Variants in NAA16 observed in about 807,000 individuals in gnomAD.
The protein encoded by NAA16 is NARG1-like protein.
In NAA16, 97 loss-of-function variants were observed where a neutral mutation model predicts 110.3. That is an observed-to-expected ratio of 0.88 (90% CI 0.75 to 1.04). The LOEUF (loss-of-function observed/expected upper bound fraction) is 1.04, where lower values mean the gene tolerates loss of function less well. Ranked by LOEUF, NAA16 falls within the 50% of genes least tolerant of loss-of-function variation. The pLI is 0.00. For synonymous variants in NAA16, 372 were observed against 330.6 expected (o/e 1.13, Z -1.36); for missense variants, 1,017 against 1,005.1 (o/e 1.01, Z -0.16).
intron 9 of NAA16, among the ~76,000 whole-genome samples, chr13:41,343,905 C>T (rs186664254): frequency 1.2e-3 from 182 of 152,226 alleles, no homozygotes; most frequent in Middle Eastern, 3.4e-3. Context: ...ATCTTGGACT[C>T]GAGAGATTTG....
intron 15 of NAA16, 59 bp from the exon 16 acceptor site, chr13:41,372,144 G>T: frequency 7.6e-7 from 1 of 1,317,278 alleles, no homozygotes; most frequent in South Asian, 1.6e-5. Flanking sequence ...TAAAATTTTA[G>T]GGGAAATTTG....
intron 7 of NAA16, among the ~76,000 whole-genome samples, chr13:41,330,846 G>A (rs2042219675): frequency 6.6e-6 from 1 of 152,066 alleles, no homozygotes; most frequent in Admixed American, 6.6e-5. Flanking sequence ...TCCTAAAACT[G>A]TTGCTCCTTT....
Position 41,373,641 on chromosome 13 carries a change from T to C in NAA16, c.2160T>C (p.Ser720=), listed in dbSNP as rs1323490241. 4.4e-6 allele frequency: 7 copies of C among 1,594,646 alleles called. No individual in the cohort carries two copies. Among genetic ancestry groups the C allele is most frequent in the Non-Finnish European group, 6.0e-6 (7 of 1,172,892 alleles). The change falls in exon 18 of 20, where the codon TCT becomes TCC. Residue 720 remains serine, a synonymous_variant. Coordinates refer to ENST00000379406, the MANE Select transcript of NAA16 (RefSeq NM_024561.5). The stretch of plus-strand genomic sequence containing the variant: ...CAAATGTTTTTGTTTTTATAGTGTC[T>C]AATCATAGTAATCTTCCAGACATTG... ...ECLIRFSKSV[S]NHSNLPDIVS...
rs367777860 is a variant in NAA16, at chr13:41,360,971, ATAAC to A, written c.1411-1057_1411-1054del. Among the ~76,000 whole-genome samples the A allele has an allele frequency of 3.6e-3, 542 of 152,340 alleles. 1 individual carries two copies. Among genetic ancestry groups the A allele is most frequent in the African/African-American group, 0.012 (492 of 41,582 alleles). ...CATCAATAATTCTGTTCACCCAGAG[ATAAC>A]TAGTTTTTAGACGTTTAATGTGTTC... On this transcript the variant is annotated intron_variant, in intron 12 of 19. Coordinates refer to ENST00000379406, the MANE Select transcript of NAA16 (RefSeq NM_024561.5).
intron 3 of NAA16, among the ~76,000 whole-genome samples, chr13:41,319,620 G>A (rs112317237): frequency 0.029 from 4,413 of 152,094 alleles, 90 homozygotes; most frequent in Non-Finnish European, 0.043. Flanking sequence ...GGGTTTAAGC[G>A]ATTCTCCCAC....
chr13:41,375,840 A>G lies in NAA16; in HGVS notation c.*238A>G. Reference sequence around the variant, plus strand: ...TAGCTCCGATCGCTTCTGTATAATTATAATTTCTTACTAAGCTAAGTTGTA... The same window carrying G: ...TAGCTCCGATCGCTTCTGTATAATTGTAATTTCTTACTAAGCTAAGTTGTA... On this transcript the variant is annotated 3_prime_UTR_variant, in exon 20 of 20. Coordinates refer to ENST00000379406, the MANE Select transcript of NAA16 (RefSeq NM_024561.5). 1 of 350,030 alleles carries G rather than the reference A, an allele frequency of 2.9e-6. No individual in the cohort carries two copies. The highest frequency in any genetic ancestry group is 5.1e-6 in the Non-Finnish European group (1 of 195,232). 21.7% of individuals were successfully genotyped at this position (350,030 alleles called of 1,614,324 possible). A position where few individuals can be genotyped will look rare whatever the true frequency, so the allele number is the denominator to read the frequency against.
In NAA16 at chr13:41,375,601, G is replaced by T. The variant is rs1468261685; in HGVS notation, c.2594G>T (p.Ter865LeuextTer9). The change falls in exon 20 of 20, where the codon TGA (stop) becomes TTA (leucine). Residue 865 changes from the stop codon to leucine, a stop_lost. Transcript: ENST00000379406. ...ANYDVLANEI* is the reference protein window; with the variant it reads ...ANYDVLANEIL ...TATGATGTCTTGGCAAATGAAATTT[G>T]AAATCTTCTAGAAAGTAGACTCCTA... The T allele has an allele frequency of 6.2e-7, 1 of 1,611,070 alleles. No individual in the cohort carries two copies. Among genetic ancestry groups the T allele is most frequent in the South Asian group, 1.1e-5 (1 of 90,644 alleles).
intron 15 of NAA16, among the ~76,000 whole-genome samples, chr13:41,371,945 G>C (rs1364790200): frequency 6.6e-6 from 1 of 152,094 alleles, no homozygotes; most frequent in Non-Finnish European, 1.5e-5. Flanking sequence ...TAAGTCTGTG[G>C]AATAACTTTA....
Position 41,372,800 on chromosome 13 carries a change from C to T in NAA16, c.2125C>T (p.His709Tyr). Residue 709 changes from histidine to tyrosine, a missense_variant, in exon 17 of 20, where the codon CAT (histidine) becomes TAT (tyrosine). Transcript: ENST00000379406. The part of the protein sequence containing the change: ...FAINSNNPWL[H>Y]ECLIRFSKSV... The stretch of plus-strand genomic sequence containing the variant: ...CATTAACAGTAATAACCCATGGTTA[C>T]ATGAATGTTTAATTAGATTTTCTAA... 6.3e-7 allele frequency: 1 copy of T among 1,587,860 alleles called. No individual in the cohort carries two copies. Among genetic ancestry groups the T allele is most frequent in the Middle Eastern group, 1.7e-4 (1 of 5,836 alleles).
intron 17 of NAA16, 164 bp from the exon 18 acceptor site, chr13:41,373,473 G>T (rs2043363248): frequency 4.6e-5 from 24 of 527,138 alleles, no homozygotes; most frequent in Non-Finnish European, 5.8e-5. Flanking sequence ...GGCCAGGCTG[G>T]TCTCAAACTC....
intron 7 of NAA16, among the ~76,000 whole-genome samples, chr13:41,330,979 G>C (rs898249639): frequency 6.6e-6 from 1 of 152,002 alleles, no homozygotes; most frequent in Admixed American, 6.6e-5. Context: ...GGAATATAGA[G>C]AAGTGCAGCA....
At chr13:41,344,374 C>T (rs1382872026) in intron 9 of NAA16, among the ~76,000 whole-genome samples, 1 of 152,222 alleles carries the variant, frequency 6.6e-6, no homozygotes, top group Non-Finnish European at 1.5e-5. Flanking sequence ...GGAAGTTCAT[C>T]TGTTGTTTTA....
At chr13:41,362,603 C>CT in intron 13 of NAA16, 1 of 764,974 alleles carries the variant, frequency 1.3e-6, no homozygotes, top group Non-Finnish European at 1.9e-6. Context: ...GTATAACAAT[C>CT]TATGGCCAGT....
At chr13:41,311,624 G>T (rs1330657981) in intron 1 of NAA16, 42 bp downstream of exon 1, 1 of 1,577,160 alleles carries the variant, frequency 6.3e-7, no homozygotes, top group Non-Finnish European at 8.6e-7. Context: ...CGGTCCCCGG[G>T]TCCTCGGGCC....
intron 12 of NAA16, among the ~76,000 whole-genome samples, chr13:41,359,242 C>T (rs983819217): frequency 2.5e-4 from 38 of 152,156 alleles, no homozygotes; most frequent in Non-Finnish European, 4.1e-4. Context: ...TTAGCACTTA[C>T]GTGTAAAATT....
chr13:41,327,336 ATAT>A (rs2042120197), intron 6 of NAA16, among the ~76,000 whole-genome samples: 1 of 152,116 alleles, frequency 6.6e-6, no homozygotes, highest in Non-Finnish European at 1.5e-5. Context: ...CCTTTCTGAA[ATAT>A]TATTGTCATT....
At chr13:41,328,671 G>C (rs2042155537) in intron 6 of NAA16, 53 bp from the exon 7 acceptor site, 2 of 1,461,520 alleles carry the variant, frequency 1.4e-6, no homozygotes, top group East Asian at 2.3e-5. Flanking sequence ...AGTCCCTGGG[G>C]TCAGATAGAT....
rs371132882 is a variant in NAA16 at position 41,319,863 on chromosome 13, A to AT, written c.245-791dup. 6.5e-3 allele frequency among the ~76,000 whole-genome samples: 907 copies of AT among 138,746 alleles called. 9 individuals carry two copies. The highest frequency in any genetic ancestry group is 0.023 in the Admixed American group (317 of 14,018). The allele number at this position is 138,746 out of a possible 152,430, so 91.0% of individuals were successfully genotyped here. A position where few individuals can be genotyped will look rare whatever the true frequency, so the allele number is the denominator to read the frequency against. Reference sequence around the variant, plus strand: ...GGGTGGAGCATTGAAATTGATTTTCATTTTTTTTTTTTTGCTTATCTGTAT... The same window carrying AT: ...GGGTGGAGCATTGAAATTGATTTTCATTTTTTTTTTTTTTGCTTATCTGTAT... On this transcript the variant is annotated intron_variant, in intron 3 of 19. Transcript: ENST00000379406.
chr13:41,325,657 T>C lies in NAA16; in HGVS notation c.538-41T>C, dbSNP rs758675911. ...TAATTAAAGGTCTGTAACTGCTTTA[T>C]ATAATTATACAAATAAAGTAATTTG... On this transcript the variant is annotated intron_variant, in intron 5 of 19. Coordinates refer to ENST00000379406, the MANE Select transcript of NAA16 (RefSeq NM_024561.5). 5 of 1,405,922 alleles carry C rather than the reference T, an allele frequency of 3.6e-6. No homozygotes were observed. In the South Asian group the frequency reaches 6.7e-5, roughly 19 times the overall value. The allele number at this position is 1,405,922 out of a possible 1,614,324, so 87.1% of individuals were successfully genotyped here. A position where few individuals can be genotyped will look rare whatever the true frequency, so the allele number is the denominator to read the frequency against.
Sources: allele counts gnomAD v4.1 joint callset (sites outside exome capture counted in the v4.1 genomes callset), GRCh38; gene constraint gnomAD v4.1.1; transcripts MANE v1.5; gene names NCBI Gene and HGNC (gene_info 2026-07-23, HGNC 2026-07-21).